Variants in CACNG2 observed in about 807,000 individuals in gnomAD.
CACNG2 encodes voltage-dependent calcium channel gamma-2 subunit.
A neutral mutation model predicts 25.9 loss-of-function variants in CACNG2; 3 were observed. The ratio of observed to expected loss-of-function variants is 0.12; its 90% CI spans 0.05 to 0.30. The LOEUF (loss-of-function observed/expected upper bound fraction) is 0.30, where lower values mean the gene tolerates loss of function less well. CACNG2 is among the 10% of genes least tolerant of loss of function. The probability of loss-of-function intolerance (pLI) is 1.00; values close to 1 mark genes in which losing one functional copy is unlikely to be tolerated. For synonymous variants in CACNG2, 167 were observed against 173.3 expected, an observed-to-expected ratio of 0.96 and a Z score of 0.29; for missense variants, 341 against 432.5, an observed-to-expected ratio of 0.79 and a Z score of 1.88.
intron 1 of CACNG2, among the ~76,000 whole-genome samples, chr22:36,596,924 A>AT (rs571087447): frequency 8.3e-4 from 126 of 151,366 alleles, no homozygotes; most frequent in African/African-American, 3.0e-3. Flanking sequence ...TAATTTTTGA[A>AT]TTTTTTTTGT....
At chr22:36,581,683 G>A (rs958345998) in intron 2 of CACNG2, among the ~76,000 whole-genome samples, 1 of 152,176 alleles carries the variant, frequency 6.6e-6, no homozygotes, top group Non-Finnish European at 1.5e-5. Flanking sequence ...AGCCTTCGTG[G>A]TGTCCTGGAG....
At chr22:36,613,154 C>CTGTGTGTGTG (rs199852721) in intron 1 of CACNG2, among the ~76,000 whole-genome samples, 28 of 74,002 alleles carry the variant, frequency 3.8e-4, no homozygotes, top group African/African-American at 8.8e-4. Context: ...ATTACAGGCT[C>CTGTGTGTGTG]TCTGTGTGTG....
In CACNG2 at chr22:36,564,287, C is replaced by T. The variant is rs1187382899; in HGVS notation, c.*64G>A. On this transcript the variant is annotated 3_prime_UTR_variant, in exon 4 of 4. Transcript: ENST00000300105. The surrounding 1 kb of genome is among the most constrained non-coding windows in gnomAD (Gnocchi z 6.7). ...TCCCAGCGGAGGGTCTGGGTCTCCC[C>T]GCCCCGCCCCGCCCCCGGGGACCGC... 9.5e-6 allele frequency: 14 copies of T among 1,478,094 alleles called. No individual in the cohort carries two copies. The highest frequency in any genetic ancestry group is 3.7e-5 in the South Asian group (3 of 81,724). 91.6% of individuals were successfully genotyped at this position (1,478,094 alleles called of 1,614,324 possible).
chr22:36,642,599 C>T (rs897800478), intron 1 of CACNG2, among the ~76,000 whole-genome samples: 1 of 152,212 alleles, frequency 6.6e-6, no homozygotes, highest in Non-Finnish European at 1.5e-5. Flanking sequence ...GAAGGATCTG[C>T]ACCACTGAGA....
chr22:36,575,501 C>G (rs565651620), intron 2 of CACNG2, among the ~76,000 whole-genome samples: 2 of 127,774 alleles, frequency 1.6e-5, no homozygotes, highest in Non-Finnish European at 3.2e-5. Context: ...TGTCTGGCAG[C>G]GGAGGAGGGT....
intron 1 of CACNG2, among the ~76,000 whole-genome samples, chr22:36,591,457 C>T (rs909457578): frequency 3.3e-5 from 5 of 152,038 alleles, no homozygotes; most frequent in Admixed American, 3.3e-4. Context: ...ATCCCTTGAA[C>T]CCAGCAGTTC....
chr22:36,633,398 C>CA (rs1161331531), intron 1 of CACNG2, among the ~76,000 whole-genome samples: 1 of 152,152 alleles, frequency 6.6e-6, no homozygotes, highest in African/African-American at 2.4e-5. Flanking sequence ...TTTATGCTTG[C>CA]AAAGCAAAGG....
At chr22:36,649,239 C>G (rs190771051) in intron 1 of CACNG2, among the ~76,000 whole-genome samples, 1 of 152,172 alleles carries the variant, frequency 6.6e-6, no homozygotes, top group Non-Finnish European at 1.5e-5. Context: ...GAGTCACCCT[C>G]GACTCTTCTT....
At chr22:36,570,161 C>T (rs1465276342) in intron 2 of CACNG2, among the ~76,000 whole-genome samples, 3 of 152,226 alleles carry the variant, frequency 2.0e-5, no homozygotes, top group African/African-American at 7.2e-5. Flanking sequence ...CCAGCTCAGC[C>T]CTCCTGCCAG....
intron 1 of CACNG2, among the ~76,000 whole-genome samples, chr22:36,615,867 A>G (rs1200341020): frequency 6.6e-6 from 1 of 152,202 alleles, no homozygotes; most frequent in East Asian, 1.9e-4. Flanking sequence ...GTGTTAGTTA[A>G]AAAAAGAAAG....
chr22:36,621,665 C>T (rs920481718), intron 1 of CACNG2, among the ~76,000 whole-genome samples: 6 of 152,066 alleles, frequency 3.9e-5, no homozygotes, highest in African/African-American at 1.4e-4. Context: ...CTGGAGCTTC[C>T]CTCTTGCCTT....
chr22:36,624,722 C>A, intron 1 of CACNG2, among the ~76,000 whole-genome samples: 1 of 152,052 alleles, frequency 6.6e-6, no homozygotes, highest in East Asian at 1.9e-4. Context: ...GGGTGAGAGA[C>A]CCTCTTGATC....
intron 2 of CACNG2, among the ~76,000 whole-genome samples, chr22:36,577,367 C>G (rs1200979372): frequency 2.6e-5 from 4 of 152,144 alleles, no homozygotes; most frequent in Admixed American, 2.6e-4. Context: ...AGAAATGAAC[C>G]GGGGCCGGGC....
chr22:36,619,574 T>C (rs537906156), intron 1 of CACNG2, among the ~76,000 whole-genome samples: 1 of 152,328 alleles, frequency 6.6e-6, no homozygotes, highest in East Asian at 1.9e-4. Flanking sequence ...CCCTCATACA[T>C]AAAGACCACC....
At chr22:36,602,661 C>T (rs913405918) in intron 1 of CACNG2, among the ~76,000 whole-genome samples, 4 of 152,218 alleles carry the variant, frequency 2.6e-5, no homozygotes, top group African/African-American at 9.6e-5. Flanking sequence ...GTTGGGATTA[C>T]AGGCGTGAGC....
intron 1 of CACNG2, among the ~76,000 whole-genome samples, chr22:36,591,637 C>T (rs907926101): frequency 6.6e-6 from 1 of 152,112 alleles, no homozygotes; most frequent in African/African-American, 2.4e-5. Flanking sequence ...AGCACCACTG[C>T]ACTCCAGTCT....
intron 1 of CACNG2, among the ~76,000 whole-genome samples, chr22:36,678,731 A>G (rs1937048046): frequency 6.7e-6 from 1 of 150,204 alleles, no homozygotes; most frequent in African/African-American, 2.5e-5. Context: ...AGGAGCCACC[A>G]TGGTTACCTT....
intron 2 of CACNG2, among the ~76,000 whole-genome samples, chr22:36,578,191 G>A (rs748742270): frequency 6.6e-5 from 10 of 151,638 alleles, no homozygotes; most frequent in South Asian, 4.2e-4. Context: ...GTGAAACCCC[G>A]TCTCTACTAA....
At chr22:36,692,873 C>T (rs990505201) in intron 1 of CACNG2, among the ~76,000 whole-genome samples, 3 of 152,212 alleles carry the variant, frequency 2.0e-5, no homozygotes, top group African/African-American at 7.2e-5. Flanking sequence ...AAGCCAGGCG[C>T]AGTGGCTCAT....
Sources: allele counts gnomAD v4.1 joint callset (sites outside exome capture counted in the v4.1 genomes callset), GRCh38; gene constraint gnomAD v4.1.1; non-coding constraint Gnocchi (gnomAD v3.1); transcripts MANE v1.5; gene names NCBI Gene and HGNC (gene_info 2026-07-23, HGNC 2026-07-21).